The following PEBP1 variants were observed in gnomAD, a reference collection of about 807,000 sequenced individuals.
The protein encoded by PEBP1 is phosphatidylethanolamine binding protein 1, also known as phosphatidylethanolamine-binding protein 1.
Under a neutral mutation model 22.7 loss-of-function variants are expected in PEBP1, and 17 were observed. The observed-to-expected ratio is 0.75, with a 90% CI of 0.51 to 1.12. PEBP1 has a LOEUF of 1.12. Among genes scored for constraint, PEBP1 ranks in the 50% most tolerant of loss-of-function variants. The pLI is 0.00. For missense variants in PEBP1, 205 were observed against 243.5 expected (o/e 0.84, Z 1.05); for synonymous variants, 106 against 104.3 (o/e 1.02, Z -0.10).
chr12:118,136,269 G>T lies in PEBP1; in HGVS notation c.60G>T (p.Gln20His), dbSNP rs889498643. ...GPLSLQEVDE[Q>H]PQHPLHVTYA... ...TGAGCCTGCAAGAAGTGGACGAGCA[G>T]CCGCAGCACCCGCTGCATGTCACCT... Residue 20 changes from glutamine to histidine, a missense_variant, in exon 1 of 4, where the codon CAG becomes CAT. By Grantham distance (24) the Gln-to-His change is conservative. Transcript: ENST00000261313. The surrounding 1 kb of genome is among the most constrained non-coding windows in gnomAD (Gnocchi z 5.6). 10 of 1,547,090 alleles carry T rather than the reference G, an allele frequency of 6.5e-6. No homozygotes were observed. Among genetic ancestry groups the T allele is most frequent in the Non-Finnish European group, 8.7e-6 (10 of 1,146,612 alleles).
Position 118,144,531 on chromosome 12 carries a change from TC to T in PEBP1, c.347-51del, listed in dbSNP as rs1312821984. On this transcript the variant is annotated intron_variant, in intron 3 of 3. Coordinates refer to ENST00000261313, the MANE Select transcript of PEBP1 (RefSeq NM_002567.4). ...AAACATTCGATAAAAATGGATGATG[TC>T]CCCATCTCAAGTGCTGGGCTGTGTG... 6 of 1,500,822 alleles carry T rather than the reference TC, an allele frequency of 4.0e-6. No homozygotes were observed. The African/African-American group carries it at 8.3e-5, about 21-fold the overall frequency. 93.0% of individuals were successfully genotyped at this position (1,500,822 alleles called of 1,614,324 possible).
At chr12:118,140,406 A>G (rs1429556161) in intron 3 of PEBP1, among the ~76,000 whole-genome samples, 1 of 152,194 alleles carries the variant, frequency 6.6e-6, no homozygotes, top group Non-Finnish European at 1.5e-5. Flanking sequence ...CCTCTCACGC[A>G]TGCATAGTAG....
At chr12:118,138,858 T>A (rs944438068) in intron 2 of PEBP1, among the ~76,000 whole-genome samples, 1 of 152,130 alleles carries the variant, frequency 6.6e-6, no homozygotes, top group Non-Finnish European at 1.5e-5. Flanking sequence ...CAAGGCCAAG[T>A]TGAATAGTTG....
In PEBP1 at chr12:118,136,760, A is replaced by T. The variant is rs2034064646; in HGVS notation, c.135+416A>T. On this transcript the variant is annotated intron_variant, in intron 1 of 3. Transcript: ENST00000261313. The surrounding 1 kb of genome is among the most constrained non-coding windows in gnomAD (Gnocchi z 5.6). ...CTCAGCATTTTAGGCCTGGTTTTGG[A>T]GGGCTGAAGCCTCACCCGAGAGCCT... Among the ~76,000 whole-genome samples, 3 of 152,042 alleles carry T rather than the reference A, an allele frequency of 2.0e-5. No homozygotes were observed. The South Asian group carries it at 6.2e-4, about 31-fold the overall frequency.
At chr12:118,144,100 G>C (rs1005550098) in intron 3 of PEBP1, among the ~76,000 whole-genome samples, 1 of 152,042 alleles carries the variant, frequency 6.6e-6, no homozygotes. Flanking sequence ...CTAGAGGCTC[G>C]ACTGTGGTAT....
intron 1 of PEBP1, among the ~76,000 whole-genome samples, chr12:118,137,228 C>G (rs980433565): frequency 2.0e-5 from 3 of 152,146 alleles, no homozygotes; most frequent in Non-Finnish European, 4.4e-5. Context: ...GCTGTGATTC[C>G]GGACAGACAA....
Position 118,136,286 on chromosome 12 carries a change from A to C in PEBP1, c.77A>C (p.His26Pro). The C allele has an allele frequency of 1.9e-6, 3 of 1,547,022 alleles. No homozygotes were observed. The highest frequency in any genetic ancestry group is 2.6e-6 in the Non-Finnish European group (3 of 1,146,572). The change falls in exon 1 of 4, where the codon CAT becomes CCT. Residue 26 changes from histidine to proline, a missense_variant. Coordinates refer to ENST00000261313, the MANE Select transcript of PEBP1 (RefSeq NM_002567.4). This position sits in a 1 kb window ranked among gnomAD's most constrained non-coding sequence, Gnocchi z 5.6. ...GACGAGCAGCCGCAGCACCCGCTGC[A>C]TGTCACCTACGCCGGGGCGGCGGTG... ...EVDEQPQHPL[H>P]VTYAGAAVDE...
chr12:118,137,765 G>A (rs993187394), intron 1 of PEBP1, among the ~76,000 whole-genome samples: 1 of 152,172 alleles, frequency 6.6e-6, no homozygotes, highest in African/African-American at 2.4e-5. Flanking sequence ...TTGGCCGCCT[G>A]CAGCCTCTGC....
Position 118,138,156 on chromosome 12 carries a change from G to T in PEBP1, c.245+8G>T. 6.3e-7 allele frequency: 1 copy of T among 1,578,818 alleles called. No individual in the cohort carries two copies. Among genetic ancestry groups the T allele is most frequent in the Non-Finnish European group, 8.7e-7 (1 of 1,148,696 alleles). On this transcript the variant is annotated splice_region_variant and intron_variant, in intron 2 of 3. Coordinates refer to ENST00000261313, the MANE Select transcript of PEBP1 (RefSeq NM_002567.4). ...GAAGGATCCCAAATACAGGTGAGAG[G>T]TGAGAAAGACGAGAAGAGCAGGTCA...
At chr12:118,141,314 A>G (rs889363265) in intron 3 of PEBP1, among the ~76,000 whole-genome samples, 4 of 151,958 alleles carry the variant, frequency 2.6e-5, no homozygotes, top group African/African-American at 9.7e-5. Context: ...TCAAGGTTTC[A>G]CCATGTTGGC....
intron 3 of PEBP1, 118 bp downstream of exon 3, chr12:118,139,669 A>C: frequency 3.2e-6 from 2 of 618,516 alleles, no homozygotes; most frequent in Non-Finnish European, 2.9e-6. Context: ...ATCTCAGCTT[A>C]CCTCTAGGGC....
rs1197115582 is a variant in PEBP1 at position 118,137,969 on chromosome 12, G to A, written c.136-70G>A. 8.7e-6 allele frequency: 9 copies of A among 1,034,026 alleles called. No homozygotes were observed. The African/African-American group carries it at 1.4e-4, about 16-fold the overall frequency. 64.1% of individuals were successfully genotyped at this position (1,034,026 alleles called of 1,614,324 possible). A position where few individuals can be genotyped will look rare whatever the true frequency, so the allele number is the denominator to read the frequency against. On this transcript the variant is annotated intron_variant, in intron 1 of 3. Coordinates refer to ENST00000261313, the MANE Select transcript of PEBP1 (RefSeq NM_002567.4). Reference sequence around the variant, plus strand: ...CCCAAAGTGCTGGGATTACAGGCGTGAGCCACCACACCCAGCCAGTTTCTT... The same window carrying A: ...CCCAAAGTGCTGGGATTACAGGCGTAAGCCACCACACCCAGCCAGTTTCTT...
At chr12:118,141,203 A>G (rs553938486) in intron 3 of PEBP1, among the ~76,000 whole-genome samples, 2 of 150,178 alleles carry the variant, frequency 1.3e-5, no homozygotes, top group East Asian at 3.9e-4. Flanking sequence ...TACAACCTCT[A>G]CCTCCTGTGT....
intron 3 of PEBP1, among the ~76,000 whole-genome samples, chr12:118,141,340 C>A (rs2034112461): frequency 6.6e-6 from 1 of 152,202 alleles, no homozygotes; most frequent in Non-Finnish European, 1.5e-5. Flanking sequence ...TGGTCTCGAA[C>A]TTCTGACCTT....
At chr12:118,138,248 C>G (rs1280653257) in intron 2 of PEBP1, 100 bp downstream of exon 2, 2 of 797,898 alleles carry the variant, frequency 2.5e-6, no homozygotes, top group African/African-American at 3.4e-5. Context: ...GTTTGGGATG[C>G]CCCCACCCAT....
At chr12:118,139,116 C>A (rs921666409) in intron 2 of PEBP1, 44 of 288,510 alleles carry the variant, frequency 1.5e-4, no homozygotes, top group African/African-American at 9.1e-4. Flanking sequence ...AGTTCAAGAC[C>A]AGTCTGGCCA....
At chr12:118,140,687 C>T (rs947295304) in intron 3 of PEBP1, among the ~76,000 whole-genome samples, 1 of 151,954 alleles carries the variant, frequency 6.6e-6, no homozygotes, top group Non-Finnish European at 1.5e-5. Context: ...TACAGGTGTC[C>T]GCCACCATGC....
chr12:118,136,373 C>T lies in PEBP1; in HGVS notation c.135+29C>T. ...CACCGGGCGGCGGGCGTGCAGCGAG[C>T]GGCACGGCGCGGAGGCCTGTGCCGG... On this transcript the variant is annotated intron_variant, in intron 1 of 3. Coordinates refer to ENST00000261313, the MANE Select transcript of PEBP1 (RefSeq NM_002567.4). The surrounding 1 kb of genome is among the most constrained non-coding windows in gnomAD (Gnocchi z 5.6). 2 of 1,527,586 alleles carry T rather than the reference C, an allele frequency of 1.3e-6. No individual in the cohort carries two copies. The highest frequency in any genetic ancestry group is 2.5e-5 in the East Asian group (1 of 40,530). 94.6% of individuals were successfully genotyped at this position (1,527,586 alleles called of 1,614,324 possible).
intron 3 of PEBP1, among the ~76,000 whole-genome samples, chr12:118,139,870 A>G (rs1287474731): frequency 6.6e-6 from 1 of 152,186 alleles, no homozygotes; most frequent in Non-Finnish European, 1.5e-5. Flanking sequence ...AGTGAGTGGA[A>G]TACACAGTTA....
Sources: allele counts gnomAD v4.1 joint callset (sites outside exome capture counted in the v4.1 genomes callset), GRCh38; gene constraint gnomAD v4.1.1; non-coding constraint Gnocchi (gnomAD v3.1); transcripts MANE v1.5; gene names NCBI Gene and HGNC (gene_info 2026-07-23, HGNC 2026-07-21).